CYP24A1: variants seen among roughly 807,000 people sequenced by gnomAD.
CYP24A1 encodes 1,25-dihydroxyvitamin D(3) 24-hydroxylase, mitochondrial.
CYP24A1 carries 68 observed loss-of-function variants against 62.4 expected under a neutral mutation model. The ratio of observed to expected loss-of-function variants is 1.09; its 90% CI spans 0.90 to 1.33. The LOEUF is 1.33. Ranked by LOEUF, CYP24A1 falls within the 40% of genes most tolerant of loss-of-function variation. CYP24A1 has a pLI of 0.00. For synonymous variants in CYP24A1, 267 were observed against 253.0 expected, an observed-to-expected ratio of 1.06 and a Z score of -0.52; for missense variants, 787 against 653.0, an observed-to-expected ratio of 1.21 and a Z score of -2.24.
intron 7 of CYP24A1, among the ~76,000 whole-genome samples, chr20:54,159,625 C>T (rs181443161): frequency 6.6e-6 from 1 of 152,254 alleles, no homozygotes; most frequent in Non-Finnish European, 1.5e-5. Context: ...AGACTCTTGA[C>T]CTCAGGTGAT....
At chr20:54,144,537 G>A in the CYP24A1 span, among the ~76,000 whole-genome samples, 2 of 151,422 alleles carry the variant, frequency 1.3e-5, no homozygotes, top group African/African-American at 2.4e-5. Flanking sequence ...TTACAAGTGT[G>A]AGCCACCACA....
At chr20:54,163,328 AC>A (rs769652038) in intron 6 of CYP24A1, among the ~76,000 whole-genome samples, 2 of 152,216 alleles carry the variant, frequency 1.3e-5, no homozygotes. Context: ...CCACATACAT[AC>A]GCACAAGTAG....
chr20:54,163,063 G>A lies in CYP24A1; in HGVS notation c.845-201C>T, dbSNP rs189173510. On this transcript the variant is annotated intron_variant, in intron 6 of 11. Transcript: ENST00000216862. ...ATTTTTCAATACCGACATGAGCAAGGCTTCTCAAACTTTAATGTGGATAGG... is the reference window on the plus strand; with the variant it reads ...ATTTTTCAATACCGACATGAGCAAGACTTCTCAAACTTTAATGTGGATAGG... 2.6e-3 allele frequency among the ~76,000 whole-genome samples: 402 copies of A among 152,314 alleles called. 5 individuals are homozygous for A. Among genetic ancestry groups the A allele is most frequent in the African/African-American group, 9.2e-3 (384 of 41,570 alleles).
the CYP24A1 span, among the ~76,000 whole-genome samples, chr20:54,144,924 A>T: frequency 1.4e-4 from 21 of 152,170 alleles, no homozygotes; most frequent in South Asian, 2.1e-4. Flanking sequence ...AAATTTGGAG[A>T]TAAAATGTTA....
the CYP24A1 span, among the ~76,000 whole-genome samples, chr20:54,146,553 G>C: frequency 6.6e-6 from 1 of 152,166 alleles, no homozygotes. Context: ...AACAAATGCA[G>C]ATGAAAAAGC....
chr20:54,165,084 T>C (rs1184572140), intron 5 of CYP24A1, among the ~76,000 whole-genome samples: 2 of 152,260 alleles, frequency 1.3e-5, no homozygotes, highest in Non-Finnish European at 2.9e-5. Flanking sequence ...ATGTGCTTCT[T>C]TATGTTACGT....
chr20:54,152,670 G>T (rs1385590952), downstream of CYP24A1, among the ~76,000 whole-genome samples: 1 of 152,236 alleles, frequency 6.6e-6, no homozygotes, highest in Non-Finnish European at 1.5e-5. Flanking sequence ...ACTGTGGCCT[G>T]GTTCCAGAGG....
At chr20:54,166,847 C>G (rs1056995435) in intron 4 of CYP24A1, among the ~76,000 whole-genome samples, 4 of 151,982 alleles carry the variant, frequency 2.6e-5, no homozygotes, top group African/African-American at 9.7e-5. Flanking sequence ...GCCTGGGCAA[C>G]ATGGCAAAAC....
chr20:54,173,465 G>C lies in CYP24A1; in HGVS notation c.115C>G (p.Arg39Gly). The stretch of plus-strand genomic sequence containing the variant: ...GTCAGCGGGCAGACTGGCACCTCTC[G>C]CGGCTGAGGGGACGTGTACGCCGTA... ...TSTAYTSPQP[R>G]EVPVCPLTAG... The change falls in exon 1 of 12, where the codon CGA (arginine) becomes GGA (glycine). Residue 39 changes from arginine (R) to glycine (G), a missense_variant. Transcript: ENST00000216862. The surrounding 1 kb of genome is among the most constrained non-coding windows in gnomAD (Gnocchi z 7.2). The C allele has an allele frequency of 6.4e-7, 1 of 1,566,088 alleles. No individual in the cohort carries two copies. Among genetic ancestry groups the C allele is most frequent in the Non-Finnish European group, 8.7e-7 (1 of 1,155,390 alleles).
chr20:54,171,730 A>T, intron 2 of CYP24A1, 60 bp from the exon 3 acceptor site: 2 of 1,613,766 alleles, frequency 1.2e-6, no homozygotes, highest in Non-Finnish European at 1.7e-6. Flanking sequence ...GAGATGCAGA[A>T]ATACTCCAGC....
At chr20:54,143,609 T>C in the CYP24A1 span, among the ~76,000 whole-genome samples, 1 of 152,120 alleles carries the variant, frequency 6.6e-6, no homozygotes, top group Non-Finnish European at 1.5e-5. Context: ...TTTGGTTACA[T>C]GAGTAAGTTC....
chr20:54,155,498 C>T (rs1373962809), intron 11 of CYP24A1, among the ~76,000 whole-genome samples: 3 of 151,974 alleles, frequency 2.0e-5, no homozygotes, highest in African/African-American at 7.3e-5. Context: ...CTTTGGGAGG[C>T]CGAGGCGGGT....
chr20:54,157,286 C>CA lies in CYP24A1; in HGVS notation c.1437dup (p.Val480CysfsTer12). ...GTGGCCTGGATGTCGTATTTGCGGA[C>CA]AATCTGTAATGCACACGCACACAAA... On this transcript the variant is annotated frameshift_variant, in exon 11 of 12. Transcript: ENST00000216862. LOFTEE classifies it high-confidence loss of function. 6.3e-7 allele frequency: 1 copy of CA among 1,597,532 alleles called. No individual in the cohort carries two copies. The highest frequency in any genetic ancestry group is 8.6e-7 in the Non-Finnish European group (1 of 1,164,972).
intron 4 of CYP24A1, 71 bp downstream of exon 4, chr20:54,169,520 TG>T: frequency 6.2e-7 from 1 of 1,609,848 alleles, no homozygotes; most frequent in East Asian, 2.2e-5. Context: ...ACAAAAGAGT[TG>T]TCAAAAGAGC....
At chr20:54,172,883 GC>G in intron 2 of CYP24A1, 25 bp downstream of exon 2, 8 of 1,613,192 alleles carry the variant, frequency 5.0e-6, no homozygotes, top group Non-Finnish European at 6.8e-6. Context: ...CTGGCCGCAT[GC>G]CCAGGTCCCT....
intron 6 of CYP24A1, 79 bp from the exon 7 acceptor site, chr20:54,162,941 A>G: frequency 1.2e-6 from 1 of 826,144 alleles, no homozygotes. Context: ...CCTCAGTCCA[A>G]ACTCCTTCTT....
the CYP24A1 span, among the ~76,000 whole-genome samples, chr20:54,144,755 C>G: frequency 4.0e-5 from 6 of 151,204 alleles, no homozygotes; most frequent in African/African-American, 1.5e-4. Flanking sequence ...GTAGCCAGAC[C>G]TGTACATACT....
At position 54,158,955 on chromosome 20, in the gene CYP24A1, A is replaced by C; in HGVS notation, c.1157+2T>G. ...TATATTGGCTCAGAGATAGGCTCTT[A>C]CCTCATAGATTCTTTCAGACAGGCT... On this transcript the variant is annotated splice_donor_variant, in intron 8 of 11. Transcript: ENST00000216862. LOFTEE classifies it high-confidence loss of function. The C allele has an allele frequency of 6.2e-7, 1 of 1,614,194 alleles. No individual in the cohort carries two copies. The highest frequency in any genetic ancestry group is 8.5e-7 in the Non-Finnish European group (1 of 1,180,024).
Position 54,173,411 on chromosome 20 carries a change from C to T in CYP24A1, c.169G>A (p.Ala57Thr). ...TAGGETQNAA[A>T]LPGPTSWPLL... ...GGCCAGCTGGTGGGGCCCGGCAGGG[C>T]GGCCGCGTTCTGAGTCTCGCCACCA... is the stretch of plus-strand genomic sequence containing the variant. Residue 57 changes from alanine (A) to threonine (T), a missense_variant, in exon 1 of 12, where the codon GCC (alanine) becomes ACC (threonine). Coordinates refer to ENST00000216862, the MANE Select transcript of CYP24A1 (RefSeq NM_000782.5). This position sits in a 1 kb window ranked among gnomAD's most constrained non-coding sequence, Gnocchi z 7.2. The T allele has an allele frequency of 6.3e-7, 1 of 1,576,046 alleles. No individual in the cohort carries two copies. The highest frequency in any genetic ancestry group is 8.6e-7 in the Non-Finnish European group (1 of 1,159,730).
Sources: gnomAD v4.1 joint callset for allele counts (sites outside exome capture counted in the v4.1 genomes callset) on GRCh38, gnomAD v4.1.1 for gene constraint, Gnocchi (gnomAD v3.1) non-coding constraint, MANE v1.5 for transcripts, NCBI Gene and HGNC (gene_info 2026-07-23, HGNC 2026-07-21) for gene names.